The following RASSF3 variants were observed in gnomAD, a reference collection of about 807,000 sequenced individuals.
RASSF3 encodes Ras association domain family member 3.
RASSF3 carries 19 observed loss-of-function variants against 19.9 expected under a neutral mutation model. That is an observed-to-expected ratio of 0.96 (90% CI 0.67 to 1.40). RASSF3 has a LOEUF of 1.40. RASSF3 is among the 40% of genes most tolerant of loss of function. The pLI, the probability that RASSF3 is intolerant of heterozygous loss-of-function variation, is 0.00. For synonymous variants in RASSF3, 110 were observed against 104.2 expected (o/e 1.06, Z -0.34); for missense variants, 306 against 289.8 (o/e 1.06, Z -0.41).
chr12:64,647,412 CTTT>C (rs10633120), intron 1 of RASSF3, among the ~76,000 whole-genome samples: 1 of 136,894 alleles, frequency 7.3e-6, no homozygotes, highest in Non-Finnish European at 1.6e-5. Flanking sequence ...ATTTTTTTTT[CTTT>C]TTTTTTTTTT....
chr12:64,569,517 C>T (rs546780773), intron 2 of RASSF3, among the ~76,000 whole-genome samples: 127 of 152,388 alleles, frequency 8.3e-4, no homozygotes, highest in African/African-American at 2.9e-3. Flanking sequence ...CTCCCAGCTC[C>T]ATCTCCCTTG....
At chr12:64,602,738 A>G (rs926974418) in intron 2 of RASSF3, among the ~76,000 whole-genome samples, 6 of 152,154 alleles carry the variant, frequency 3.9e-5, no homozygotes, top group African/African-American at 1.4e-4. Flanking sequence ...AAAAAAAGAA[A>G]GAAAGAAAGA....
chr12:64,634,676 G>A (rs139536711), intron 1 of RASSF3, among the ~76,000 whole-genome samples: 41 of 148,428 alleles, frequency 2.8e-4, no homozygotes, highest in African/African-American at 1.0e-3. Context: ...CATGAGAATC[G>A]CTTGAATTTG....
intron 2 of RASSF3, among the ~76,000 whole-genome samples, chr12:64,546,995 C>G (rs1206383922): frequency 4.6e-5 from 7 of 152,172 alleles, no homozygotes; most frequent in South Asian, 2.1e-4. Flanking sequence ...TTGTTGGGGC[C>G]AGGCATGGTG....
At chr12:64,519,275 C>G (rs1868419822) in intron 1 of RASSF3, among the ~76,000 whole-genome samples, 1 of 152,108 alleles carries the variant, frequency 6.6e-6, no homozygotes, top group Non-Finnish European at 1.5e-5. Context: ...TGGTGCACAC[C>G]TGTGGTCCCA....
chr12:64,568,830 C>T (rs1024419671), intron 2 of RASSF3, among the ~76,000 whole-genome samples: 1 of 152,140 alleles, frequency 6.6e-6, no homozygotes, highest in Non-Finnish European at 1.5e-5. Flanking sequence ...CTGCCTCAGC[C>T]TCCCAAGTAA....
chr12:64,564,251 A>T (rs936462904), intron 2 of RASSF3, among the ~76,000 whole-genome samples: 1 of 152,252 alleles, frequency 6.6e-6, no homozygotes. Flanking sequence ...TCTAAAGAGA[A>T]TCTTTATAAA....
downstream of RASSF3, chr12:64,541,770 G>A: frequency 2.5e-6 from 1 of 397,974 alleles, no homozygotes; most frequent in East Asian, 3.6e-5. Context: ...ATACCCCATA[G>A]AATGGTCTTT....
At chr12:64,520,541 TACAC>T (rs1374771419) in intron 1 of RASSF3, among the ~76,000 whole-genome samples, 1 of 93,916 alleles carries the variant, frequency 1.1e-5, no homozygotes, top group Non-Finnish European at 2.1e-5. Context: ...CACACACAGA[TACAC>T]ACATACACAC....
chr12:64,566,072 G>A (rs1234250629), intron 2 of RASSF3, among the ~76,000 whole-genome samples: 1 of 151,708 alleles, frequency 6.6e-6, no homozygotes. Flanking sequence ...GTGGTGGCAG[G>A]CACCTATAGT....
rs12302799 is a variant in RASSF3 at position 64,515,142 on chromosome 12, C to T, written c.169+7813C>T. Among the ~76,000 whole-genome samples, 1,070 of 152,032 alleles carry T rather than the reference C, an allele frequency of 7.0e-3. 17 individuals are homozygous for T. The highest frequency in any genetic ancestry group is 0.023 in the African/African-American group (972 of 41,452). ...TGCAATCTCTGCTCACTGCAACCTCCGCCTCCCGTGTTCAAGCGATTCTCC... is the reference window on the plus strand; with the variant it reads ...TGCAATCTCTGCTCACTGCAACCTCTGCCTCCCGTGTTCAAGCGATTCTCC... On this transcript the variant is annotated intron_variant, in intron 1 of 5. Transcript: ENST00000637125.
At chr12:64,551,349 T>C (rs1401328712) in intron 2 of RASSF3, among the ~76,000 whole-genome samples, 1 of 151,764 alleles carries the variant, frequency 6.6e-6, no homozygotes, top group Non-Finnish European at 1.5e-5. Context: ...CTGAGGCGAG[T>C]GGATCACTTG....
At chr12:64,677,402 T>A (rs1299975468) in intron 1 of RASSF3, among the ~76,000 whole-genome samples, 2 of 152,158 alleles carry the variant, frequency 1.3e-5, no homozygotes, top group Non-Finnish European at 2.9e-5. Context: ...TTAAAACAAT[T>A]TTTTGTAGGT....
At chr12:64,520,765 C>A (rs1014132104) in intron 1 of RASSF3, among the ~76,000 whole-genome samples, 3 of 151,644 alleles carry the variant, frequency 2.0e-5, no homozygotes, top group Non-Finnish European at 4.4e-5. Context: ...GACCAAAAAA[C>A]CAAGATGACC....
chr12:64,575,796 C>T (rs1428906899), intron 2 of RASSF3: 1 of 150,892 alleles, frequency 6.6e-6, no homozygotes, highest in Non-Finnish European at 1.5e-5. Context: ...TGGAAGACTC[C>T]ATATGTCAAT....
chr12:64,678,266 C>G (rs980083176), intron 1 of RASSF3, among the ~76,000 whole-genome samples: 4 of 152,214 alleles, frequency 2.6e-5, no homozygotes, highest in Admixed American at 6.5e-5. Context: ...TGTTATTGCA[C>G]TGGGTATTGC....
At chr12:64,520,802 C>A (rs905588996) in intron 1 of RASSF3, among the ~76,000 whole-genome samples, 5 of 151,852 alleles carry the variant, frequency 3.3e-5, no homozygotes, top group African/African-American at 1.2e-4. Flanking sequence ...GTTGGTACAG[C>A]CCCTGGGGAG....
At chr12:64,674,166 A>G (rs1872797609) in intron 1 of RASSF3, among the ~76,000 whole-genome samples, 1 of 152,226 alleles carries the variant, frequency 6.6e-6, no homozygotes, top group African/African-American at 2.4e-5. Context: ...GATGATGCAC[A>G]TGGATAACAG....
chr12:64,570,446 A>T (rs1869499939), intron 2 of RASSF3, among the ~76,000 whole-genome samples: 1 of 152,160 alleles, frequency 6.6e-6, no homozygotes, highest in African/African-American at 2.4e-5. Context: ...CTCAACACCA[A>T]CACTTGACCT....
Sources: gnomAD v4.1 joint callset for allele counts (sites outside exome capture counted in the v4.1 genomes callset) on GRCh38, gnomAD v4.1.1 for gene constraint, MANE v1.5 for transcripts, NCBI Gene and HGNC (gene_info 2026-07-23, HGNC 2026-07-21) for gene names.